The following KCNIP4 variants were observed in gnomAD, a reference collection of about 807,000 sequenced individuals.
KCNIP4 encodes Kv channel-interacting protein 4.
Under a neutral mutation model 34.0 loss-of-function variants are expected in KCNIP4, and 12 were observed. The ratio of observed to expected loss-of-function variants is 0.35; its 90% confidence interval spans 0.23 to 0.57. The LOEUF (loss-of-function observed/expected upper bound fraction) is 0.57. KCNIP4 is among the 20% of genes least tolerant of loss of function. The probability of loss-of-function intolerance (pLI) is 0.83; values close to 1 mark genes in which losing one functional copy is unlikely to be tolerated. For synonymous variants in KCNIP4, 124 were observed against 102.2 expected (o/e 1.21, Z -1.29); for missense variants, 238 against 311.7 (o/e 0.76, Z 1.78).
At chr4:21,353,207 C>A (rs1483586679) in intron 1 of KCNIP4, among the ~76,000 whole-genome samples, 1 of 152,134 alleles carries the variant, frequency 6.6e-6, no homozygotes, top group Non-Finnish European at 1.5e-5. Context: ...AGCAGAAAAG[C>A]TGAAAACTCT....
intron 1 of KCNIP4, among the ~76,000 whole-genome samples, chr4:21,509,131 C>T (rs1169619205): frequency 1.3e-5 from 2 of 152,018 alleles, no homozygotes; most frequent in Non-Finnish European, 2.9e-5. Context: ...ATAATTCTGA[C>T]TCATAAGTAA....
chr4:21,044,937 C>A (rs969719923), intron 1 of KCNIP4, among the ~76,000 whole-genome samples: 4 of 152,186 alleles, frequency 2.6e-5, no homozygotes, highest in African/African-American at 7.2e-5. Context: ...ATTATTATCA[C>A]AATGCATGCT....
At chr4:21,281,129 C>T (rs1762750517) in intron 1 of KCNIP4, among the ~76,000 whole-genome samples, 1 of 149,948 alleles carries the variant, frequency 6.7e-6, no homozygotes, top group Admixed American at 6.6e-5. Context: ...TTCTGTTCCC[C>T]AGGCAGGAGT....
At chr4:21,283,564 T>C (rs1161471966) in intron 1 of KCNIP4, among the ~76,000 whole-genome samples, 2 of 148,760 alleles carry the variant, frequency 1.3e-5, no homozygotes, top group Non-Finnish European at 3.0e-5. Context: ...ACCATAAGTT[T>C]TTACAGACAA....
intron 1 of KCNIP4, among the ~76,000 whole-genome samples, chr4:21,440,670 T>C (rs1352705113): frequency 2.6e-5 from 4 of 151,906 alleles, no homozygotes; most frequent in Non-Finnish European, 5.9e-5. Context: ...TTTAAACATA[T>C]CACACTTTTT....
intron 3 of KCNIP4, among the ~76,000 whole-genome samples, chr4:20,785,272 C>G (rs141615085): frequency 1.6e-4 from 24 of 151,828 alleles, no homozygotes; most frequent in African/African-American, 5.8e-4. Context: ...GCCACTTTCC[C>G]TACAGATCAA....
rs115315384 is a variant in KCNIP4 at position 21,157,657 on chromosome 4, A to G, written c.62-274948T>C. ...AAATAAAAACACATGATATCAAAAT[A>G]GCAGGATTCTACTAATGCAATATGT... On this transcript the variant is annotated intron_variant, in intron 1 of 8. Transcript: ENST00000382152. Among the ~76,000 whole-genome samples, 1,344 of 152,318 alleles carry G rather than the reference A, an allele frequency of 8.8e-3. 11 individuals carry two copies. The highest frequency in any genetic ancestry group is 0.017 in the Middle Eastern group (5 of 294).
chr4:21,339,283 C>A (rs59253285), intron 1 of KCNIP4, among the ~76,000 whole-genome samples: 5,558 of 152,180 alleles, frequency 0.037, 233 homozygotes, highest in East Asian at 0.19. Context: ...AATGAGAAGG[C>A]AATTGTTTCA....
chr4:20,824,988 G>A (rs1717556360), intron 3 of KCNIP4, among the ~76,000 whole-genome samples: 1 of 152,068 alleles, frequency 6.6e-6, no homozygotes, highest in Non-Finnish European at 1.5e-5. Context: ...GGAAATTTTA[G>A]TGTGTTTTAA....
At position 21,943,453 on chromosome 4, in the gene KCNIP4, T is replaced by C. The variant is rs1003676906; in HGVS notation, c.61+5118A>G. ...TACTCAGGAGGCTGAGGCAGGAGGA[T>C]TGCTTGAGGCCAGGAGTTCGAGGCT... On this transcript the variant is annotated intron_variant, in intron 1 of 8. Transcript: ENST00000382152. Among the ~76,000 whole-genome samples the C allele has an allele frequency of 1.2e-4, 19 of 152,016 alleles. No individual in the cohort carries two copies. The East Asian group carries it at 2.1e-3, about 17-fold the overall frequency.
chr4:21,228,436 T>C (rs1194533007), intron 1 of KCNIP4, among the ~76,000 whole-genome samples: 1 of 152,176 alleles, frequency 6.6e-6, no homozygotes, highest in African/African-American at 2.4e-5. Flanking sequence ...ACCTCTCTTC[T>C]TCATAAACTA....
chr4:20,887,614 TA>T (rs1348769849), intron 1 of KCNIP4, among the ~76,000 whole-genome samples: 1 of 152,038 alleles, frequency 6.6e-6, no homozygotes, highest in Non-Finnish European at 1.5e-5. Context: ...CTCAGGGGAA[TA>T]CAGAGACTAT....
At chr4:21,304,080 A>G (rs1712119309) in intron 1 of KCNIP4, 1 of 256,926 alleles carries the variant, frequency 3.9e-6, no homozygotes, top group Non-Finnish European at 5.5e-6. Flanking sequence ...AGAGAGAGAG[A>G]GAGAGACAGA....
At chr4:21,276,035 T>C (rs2109148974) in intron 1 of KCNIP4, among the ~76,000 whole-genome samples, 1 of 152,350 alleles carries the variant, frequency 6.6e-6, no homozygotes, top group African/African-American at 2.4e-5. Flanking sequence ...AAAACCATTC[T>C]GGGCTACATG....
intron 1 of KCNIP4, among the ~76,000 whole-genome samples, chr4:21,563,248 T>C (rs1739598396): frequency 6.6e-6 from 1 of 152,084 alleles, no homozygotes; most frequent in Non-Finnish European, 1.5e-5. Context: ...CAAACACAAA[T>C]GGTTTCCTTC....
At chr4:21,620,322 C>A in intron 1 of KCNIP4, among the ~76,000 whole-genome samples, 1 of 152,076 alleles carries the variant, frequency 6.6e-6, no homozygotes, top group South Asian at 2.1e-4. Context: ...GGCAATGTGG[C>A]AAAACCCTGT....
intron 1 of KCNIP4, among the ~76,000 whole-genome samples, chr4:21,664,349 C>T (rs560949115): frequency 1.7e-4 from 26 of 151,884 alleles, no homozygotes; most frequent in Middle Eastern, 3.4e-3. Flanking sequence ...GTAGATAGAC[C>T]TGTCAAACAA....
intron 3 of KCNIP4, among the ~76,000 whole-genome samples, chr4:20,823,041 G>A (rs1238144634): frequency 2.0e-5 from 3 of 152,156 alleles, no homozygotes; most frequent in Non-Finnish European, 4.4e-5. Context: ...ATCTGCCAGT[G>A]CTTTGATCTT....
At chr4:21,733,356 T>C (rs896641615) in intron 1 of KCNIP4, among the ~76,000 whole-genome samples, 7 of 152,160 alleles carry the variant, frequency 4.6e-5, no homozygotes, top group African/African-American at 1.7e-4. Flanking sequence ...TCTCAGATGG[T>C]CTCAAGTATG....
Sources: allele counts gnomAD v4.1 joint callset (sites outside exome capture counted in the v4.1 genomes callset), GRCh38; gene constraint gnomAD v4.1.1; transcripts MANE v1.5; gene names NCBI Gene and HGNC (gene_info 2026-07-23, HGNC 2026-07-21).